Variants in MYO1D observed in about 807,000 individuals in gnomAD.
The protein encoded by MYO1D is unconventional myosin-Id.
MYO1D carries 83 observed loss-of-function variants against 122.0 expected under a neutral mutation model. The ratio of observed to expected loss-of-function variants is 0.68; its 90% confidence interval spans 0.57 to 0.82. MYO1D has a LOEUF of 0.82. Ranked by LOEUF, MYO1D falls within the 40% of genes least tolerant of loss-of-function variation. MYO1D has a pLI of 0.00. For synonymous variants in MYO1D, 464 were observed against 446.9 expected, an observed-to-expected ratio of 1.04 and a Z score of -0.48; for missense variants, 1,157 against 1,269.5, an observed-to-expected ratio of 0.91 and a Z score of 1.35.
intron 17 of MYO1D, among the ~76,000 whole-genome samples, chr17:32,655,887 G>A (rs906003398): frequency 7.2e-5 from 11 of 152,172 alleles, no homozygotes; most frequent in African/African-American, 2.7e-4. Context: ...TCAGGGAGGT[G>A]GAGGTGGAGG....
At chr17:32,831,440 C>T (rs928206052) in intron 1 of MYO1D, among the ~76,000 whole-genome samples, 1 of 152,166 alleles carries the variant, frequency 6.6e-6, no homozygotes, top group Non-Finnish European at 1.5e-5. Context: ...GTGAACATTG[C>T]TTAGGAAACC....
chr17:32,617,148 C>G (rs2087781553), intron 20 of MYO1D, among the ~76,000 whole-genome samples: 1 of 152,142 alleles, frequency 6.6e-6, no homozygotes, highest in South Asian at 2.1e-4. Context: ...CCACTGTACT[C>G]TAGCCTGGGC....
At chr17:32,789,499 C>T (rs929771423) in intron 1 of MYO1D, among the ~76,000 whole-genome samples, 5 of 152,118 alleles carry the variant, frequency 3.3e-5, no homozygotes, top group Non-Finnish European at 1.5e-5. Context: ...AGAAAATGGG[C>T]TAGTCACTTG....
intron 20 of MYO1D, among the ~76,000 whole-genome samples, chr17:32,626,827 G>A (rs886141528): frequency 3.3e-5 from 5 of 152,074 alleles, no homozygotes; most frequent in Non-Finnish European, 7.4e-5. Flanking sequence ...TGGCTTAGTC[G>A]TCACATTTCT....
chr17:32,623,057 T>C (rs2087873479), intron 20 of MYO1D, among the ~76,000 whole-genome samples: 1 of 151,886 alleles, frequency 6.6e-6, no homozygotes, highest in Non-Finnish European at 1.5e-5. Context: ...TCAGAGGGGA[T>C]GGTAAGGGCG....
At chr17:32,510,710 C>T (rs903268514) in intron 21 of MYO1D, 4 of 152,124 alleles carry the variant, frequency 2.6e-5, no homozygotes, top group Non-Finnish European at 4.4e-5. Flanking sequence ...CCTGATGGCT[C>T]CCGGGAGAGG....
At chr17:32,676,555 C>T (rs2088812123) in intron 16 of MYO1D, among the ~76,000 whole-genome samples, 1 of 152,068 alleles carries the variant, frequency 6.6e-6, no homozygotes, top group South Asian at 2.1e-4. Context: ...AACGTTCTCT[C>T]CTGTCTGAGA....
chr17:32,677,580 AATATATATATAT>A (rs10523328), intron 16 of MYO1D, among the ~76,000 whole-genome samples: 1,413 of 135,854 alleles, frequency 0.01, 12 homozygotes, highest in African/African-American at 0.025. Flanking sequence ...TAGATAGATA[AATATATATATAT>A]ATATATATAT....
intron 16 of MYO1D, among the ~76,000 whole-genome samples, chr17:32,687,282 C>T (rs998009497): frequency 2.9e-4 from 44 of 151,672 alleles, no homozygotes; most frequent in Non-Finnish European, 4.9e-4. Flanking sequence ...CTGCAAGCTC[C>T]GCCTCCTGGG....
At chr17:32,604,965 T>C (rs1375786616) in intron 21 of MYO1D, 122 bp downstream of exon 21, 4 of 934,686 alleles carry the variant, frequency 4.3e-6, no homozygotes, top group Non-Finnish European at 6.0e-6. Context: ...ATGATTTAAG[T>C]TGTCCTTATG....
At chr17:32,626,481 G>A (rs527426230) in intron 20 of MYO1D, among the ~76,000 whole-genome samples, 1 of 152,104 alleles carries the variant, frequency 6.6e-6, no homozygotes, top group Non-Finnish European at 1.5e-5. Context: ...GGCCCTAGTG[G>A]TTGGTGCTTT....
chr17:32,772,526 CA>C (rs1489311879), intron 5 of MYO1D, among the ~76,000 whole-genome samples: 1 of 152,146 alleles, frequency 6.6e-6, no homozygotes, highest in African/African-American at 2.4e-5. Context: ...ATCTGTACTG[CA>C]AGAAAATATG....
chr17:32,494,579 A>G lies in MYO1D; in HGVS notation c.*180T>C. ...TATTGAACAGGGACCGTGGACAGTAAGGACAGAGGAAGATGATACCAAAGG... is the reference window on the plus strand; with the variant it reads ...TATTGAACAGGGACCGTGGACAGTAGGGACAGAGGAAGATGATACCAAAGG... On this transcript the variant is annotated 3_prime_UTR_variant, in exon 22 of 22. Coordinates refer to ENST00000318217, the MANE Select transcript of MYO1D (RefSeq NM_015194.3). 1 of 750,846 alleles carries G rather than the reference A, an allele frequency of 1.3e-6. No homozygotes were observed. Among genetic ancestry groups the G allele is most frequent in the Non-Finnish European group, 2.1e-6 (1 of 476,494 alleles). The allele number at this position is 750,846 out of a possible 1,614,324, so 46.5% of individuals were successfully genotyped here.
intron 21 of MYO1D, among the ~76,000 whole-genome samples, chr17:32,548,955 C>T (rs1323914439): frequency 3.9e-5 from 6 of 152,138 alleles, no homozygotes; most frequent in Non-Finnish European, 8.8e-5. Context: ...CTCAAATGAT[C>T]CACCTGCCTC....
chr17:32,682,565 T>C (rs1376876168), intron 16 of MYO1D, among the ~76,000 whole-genome samples: 2 of 150,490 alleles, frequency 1.3e-5, no homozygotes, highest in African/African-American at 5.0e-5. Flanking sequence ...TTTTTAAGAA[T>C]GTTGAATATT....
At chr17:32,756,350 TA>T in intron 10 of MYO1D, 1 of 217,232 alleles carries the variant, frequency 4.6e-6, no homozygotes. Context: ...ATATATATAC[TA>T]AAAAATTTCA....
rs190151452 is a variant in MYO1D, at chr17:32,866,872, T to A, written c.95+9906A>T. On this transcript the variant is annotated intron_variant, in intron 1 of 21. Transcript: ENST00000318217. ...AGGACTGTTTCCAAATGAAAGACTA[T>A]CTCTACTTCAACAAGGGTCTGCTGA... 3.2e-4 allele frequency among the ~76,000 whole-genome samples: 48 copies of A among 152,300 alleles called. 1 individual carries two copies. The highest frequency in any genetic ancestry group is 6.8e-3 in the Middle Eastern group (2 of 294).
At chr17:32,620,667 A>G (rs947511998) in intron 20 of MYO1D, among the ~76,000 whole-genome samples, 11 of 152,220 alleles carry the variant, frequency 7.2e-5, no homozygotes, top group African/African-American at 2.7e-4. Flanking sequence ...TTTTAGCTGT[A>G]TTCAGTGAGA....
intron 1 of MYO1D, among the ~76,000 whole-genome samples, chr17:32,822,323 A>G (rs1173182309): frequency 7.0e-6 from 1 of 143,646 alleles, no homozygotes; most frequent in East Asian, 2.2e-4. Flanking sequence ...GAATTGAACA[A>G]TGAGAACACT....
Sources: gnomAD v4.1 joint callset for allele counts (sites outside exome capture counted in the v4.1 genomes callset) on GRCh38, gnomAD v4.1.1 for gene constraint, MANE v1.5 for transcripts, NCBI Gene and HGNC (gene_info 2026-07-23, HGNC 2026-07-21) for gene names.